The following CLVS1 variants were observed in gnomAD, a reference collection of about 807,000 sequenced individuals.
CLVS1 encodes the protein clavesin-1.
A neutral mutation model predicts 33.1 loss-of-function variants in CLVS1; 10 were observed. That is an observed-to-expected ratio of 0.30 (90% confidence interval 0.19 to 0.51). The LOEUF is 0.51. Ranked by LOEUF, CLVS1 falls within the 20% of genes least tolerant of loss-of-function variation. The probability of loss-of-function intolerance (pLI) is 0.97; values close to 1 mark genes in which losing one functional copy is unlikely to be tolerated. For missense variants in CLVS1, 343 were observed against 433.4 expected (o/e 0.79, Z 1.85); for synonymous variants, 163 against 166.1 (o/e 0.98, Z 0.14).
At chr8:61,117,033 C>A (rs777592726) in intron 1 of CLVS1, among the ~76,000 whole-genome samples, 4,402 of 130,264 alleles carry the variant, frequency 0.034, 106 homozygotes, top group Non-Finnish European at 0.046. Flanking sequence ...TGTTTGTATC[C>A]TCTTTTATTT....
At chr8:61,418,627 A>AT (rs1413785272) in intron 3 of CLVS1, among the ~76,000 whole-genome samples, 2 of 152,236 alleles carry the variant, frequency 1.3e-5, no homozygotes, top group Admixed American at 6.5e-5. Flanking sequence ...CTGAAATTAG[A>AT]TTTTTTCCCA....
At chr8:61,027,579 GC>G in the CLVS1 span, among the ~76,000 whole-genome samples, 2 of 151,964 alleles carry the variant, frequency 1.3e-5, no homozygotes, top group South Asian at 4.1e-4. Flanking sequence ...ACTCTCTTTT[GC>G]TCTTGAAGTC....
intron 1 of CLVS1, among the ~76,000 whole-genome samples, chr8:61,117,200 G>C (rs1805745678): frequency 8.7e-6 from 1 of 114,848 alleles, no homozygotes; most frequent in Non-Finnish European, 1.8e-5. Flanking sequence ...AAGAATGCTT[G>C]TGATTTTTGT....
At chr8:61,169,585 T>C (rs1806951372) in intron 2 of CLVS1, among the ~76,000 whole-genome samples, 1 of 152,198 alleles carries the variant, frequency 6.6e-6, no homozygotes, top group Non-Finnish European at 1.5e-5. Context: ...ATAGCAAAGT[T>C]CCATCCCACT....
chr8:61,485,031 T>C (rs1473988440), intron 5 of CLVS1, among the ~76,000 whole-genome samples: 1 of 152,194 alleles, frequency 6.6e-6, no homozygotes, highest in Non-Finnish European at 1.5e-5. Flanking sequence ...GACATAGGCA[T>C]GGGCAAGGAC....
At chr8:61,495,108 C>T (rs1804224691) in intron 5 of CLVS1, among the ~76,000 whole-genome samples, 1 of 152,140 alleles carries the variant, frequency 6.6e-6, no homozygotes, top group African/African-American at 2.4e-5. Flanking sequence ...ATGTAGATCC[C>T]AATTTGACTC....
At chr8:61,422,604 C>T (rs1815722336) in intron 3 of CLVS1, among the ~76,000 whole-genome samples, 1 of 152,130 alleles carries the variant, frequency 6.6e-6, no homozygotes, top group Non-Finnish European at 1.5e-5. Context: ...CTTAGCTTTC[C>T]ACCTGAAAAC....
intron 1 of CLVS1, among the ~76,000 whole-genome samples, chr8:61,091,128 G>A (rs1285976555): frequency 6.6e-6 from 1 of 152,190 alleles, no homozygotes; most frequent in African/African-American, 2.4e-5. Flanking sequence ...TGGGCCTGAG[G>A]TAATCACAAT....
the CLVS1 span, among the ~76,000 whole-genome samples, chr8:61,021,618 T>A: frequency 6.6e-6 from 1 of 151,918 alleles, no homozygotes; most frequent in African/African-American, 2.4e-5. Flanking sequence ...TGCCTTCGCC[T>A]CCCAAAGTGC....
chr8:61,459,215 AG>A (rs1316359319), intron 5 of CLVS1, among the ~76,000 whole-genome samples: 2 of 152,208 alleles, frequency 1.3e-5, no homozygotes, highest in African/African-American at 2.4e-5. Context: ...CATGAAATAA[AG>A]CTCCAAAAAC....
chr8:61,468,425 AG>A (rs1206166953), intron 5 of CLVS1, among the ~76,000 whole-genome samples: 2 of 152,228 alleles, frequency 1.3e-5, no homozygotes, highest in Admixed American at 6.5e-5. Flanking sequence ...AAGTTCTACA[AG>A]GAAAAAAGCT....
chr8:61,013,292 G>C, the CLVS1 span, among the ~76,000 whole-genome samples: 185 of 152,312 alleles, frequency 1.2e-3, 1 homozygote, highest in Admixed American at 0.011. Flanking sequence ...AGAGCAGGGG[G>C]CTCCTTCCCA....
At chr8:61,267,178 TCACA>T (rs1194056080) in intron 2 of CLVS1, among the ~76,000 whole-genome samples, 1 of 152,214 alleles carries the variant, frequency 6.6e-6, no homozygotes, top group Non-Finnish European at 1.5e-5. Flanking sequence ...ACTCAGTCCT[TCACA>T]GCATACCACC....
At chr8:61,323,951 T>C (rs1811286714) in intron 2 of CLVS1, among the ~76,000 whole-genome samples, 1 of 152,200 alleles carries the variant, frequency 6.6e-6, no homozygotes, top group Non-Finnish European at 1.5e-5. Flanking sequence ...GCTCTATCTG[T>C]GTCCCTGCAA....
intron 3 of CLVS1, among the ~76,000 whole-genome samples, chr8:61,398,198 T>G (rs1355882648): frequency 2.6e-5 from 4 of 151,274 alleles, no homozygotes; most frequent in Non-Finnish European, 4.4e-5. Context: ...TTTTTTTTTT[T>G]TGAGACAGAG....
chr8:61,222,031 G>T (rs1302928422), intron 2 of CLVS1, among the ~76,000 whole-genome samples: 2 of 151,886 alleles, frequency 1.3e-5, no homozygotes, highest in Non-Finnish European at 2.9e-5. Context: ...GGTGATATCT[G>T]CTTTATCATT....
At chr8:61,332,627 G>A (rs4738882) in intron 2 of CLVS1, among the ~76,000 whole-genome samples, 1 of 151,876 alleles carries the variant, frequency 6.6e-6, no homozygotes, top group African/African-American at 2.4e-5. Flanking sequence ...ATGAAGAGGA[G>A]ATAAACTCAC....
At chr8:60,970,816 A>G in the CLVS1 span, among the ~76,000 whole-genome samples, 1 of 152,098 alleles carries the variant, frequency 6.6e-6, no homozygotes, top group Non-Finnish European at 1.5e-5. Flanking sequence ...TGGTGATTTC[A>G]TCCCCTCTAT....
chr8:61,326,001 CT>C (rs1704203295), intron 2 of CLVS1, among the ~76,000 whole-genome samples: 1 of 152,194 alleles, frequency 6.6e-6, no homozygotes, highest in South Asian at 2.1e-4. Context: ...AGAAAACACT[CT>C]TGCAAATGTA....
Sources: allele counts gnomAD v4.1 joint callset (sites outside exome capture counted in the v4.1 genomes callset), GRCh38; gene constraint gnomAD v4.1.1; transcripts MANE v1.5; gene names NCBI Gene and HGNC (gene_info 2026-07-23, HGNC 2026-07-21).